KDM4C: variants seen among roughly 807,000 people sequenced by gnomAD.
KDM4C encodes the protein lysine-specific demethylase 4C.
Under a neutral mutation model 129.3 loss-of-function variants are expected in KDM4C, and 81 were observed. The ratio of observed to expected loss-of-function variants is 0.63; its 90% CI spans 0.52 to 0.75. KDM4C has a LOEUF of 0.75. KDM4C is among the 30% of genes least tolerant of loss of function. The pLI is 0.00. For synonymous variants in KDM4C, 573 were observed against 456.1 expected (o/e 1.26, Z -3.26); for missense variants, 1,457 against 1,304.0 (o/e 1.12, Z -1.81).
At chr9:6,847,070 C>T (rs1273313026) in intron 4 of KDM4C, among the ~76,000 whole-genome samples, 1 of 152,106 alleles carries the variant, frequency 6.6e-6, no homozygotes, top group Non-Finnish European at 1.5e-5. Flanking sequence ...AGGGATTCAA[C>T]CCTGGTTATT....
At chr9:6,998,323 A>G (rs1820139767) in intron 12 of KDM4C, among the ~76,000 whole-genome samples, 1 of 152,190 alleles carries the variant, frequency 6.6e-6, no homozygotes, top group Non-Finnish European at 1.5e-5. Flanking sequence ...GGAATTGGAG[A>G]TCTTTCTTGG....
At chr9:7,082,394 G>A (rs1834630399) in intron 17 of KDM4C, among the ~76,000 whole-genome samples, 1 of 152,144 alleles carries the variant, frequency 6.6e-6, no homozygotes. Context: ...CTGTGACCAA[G>A]GTAAGGCACT....
intron 10 of KDM4C, 79 bp from the exon 11 acceptor site, chr9:6,986,265 C>A: frequency 1.1e-6 from 1 of 938,780 alleles, no homozygotes; most frequent in Non-Finnish European, 1.6e-6. Flanking sequence ...GATACAGAAT[C>A]ATTTGGGAAT....
chr9:6,893,882 A>G (rs1240433132), intron 8 of KDM4C, among the ~76,000 whole-genome samples: 1 of 152,252 alleles, frequency 6.6e-6, no homozygotes. Context: ...GTGGTGTTAA[A>G]TAGAAGACAT....
chr9:7,012,542 T>C (rs1822899916), intron 13 of KDM4C, among the ~76,000 whole-genome samples: 1 of 152,198 alleles, frequency 6.6e-6, no homozygotes, highest in Admixed American at 6.5e-5. Context: ...AAATTTTAAG[T>C]GTCTCTTTTC....
chr9:7,130,237 C>G (rs1461714308), intron 19 of KDM4C, among the ~76,000 whole-genome samples: 1 of 152,172 alleles, frequency 6.6e-6, no homozygotes, highest in African/African-American at 2.4e-5. Context: ...AATTTCAAAA[C>G]CTGAGCACAG....
intron 2 of KDM4C, among the ~76,000 whole-genome samples, chr9:6,794,256 G>C (rs1827304422): frequency 1.3e-5 from 2 of 152,200 alleles, no homozygotes; most frequent in South Asian, 4.1e-4. Flanking sequence ...TAGCATCTTA[G>C]AATGATGAAA....
At chr9:7,157,144 GCT>G (rs1303488481) in intron 19 of KDM4C, among the ~76,000 whole-genome samples, 1 of 151,982 alleles carries the variant, frequency 6.6e-6, no homozygotes, top group African/African-American at 2.4e-5. Flanking sequence ...CCATGATTTG[GCT>G]CTCTGTTTGT....
chr9:7,010,897 C>T (rs1195379584), intron 12 of KDM4C, among the ~76,000 whole-genome samples: 4 of 151,912 alleles, frequency 2.6e-5, no homozygotes, highest in East Asian at 3.9e-4. Context: ...AAAAAAAATT[C>T]GCTAGGCATG....
At chr9:6,854,092 A>G (rs938502754) in intron 5 of KDM4C, among the ~76,000 whole-genome samples, 2 of 152,152 alleles carry the variant, frequency 1.3e-5, no homozygotes, top group African/African-American at 4.8e-5. Context: ...ATGTATTTAT[A>G]ATAGAATAGG....
At chr9:6,811,863 A>G (rs921678094) in intron 3 of KDM4C, among the ~76,000 whole-genome samples, 3 of 152,196 alleles carry the variant, frequency 2.0e-5, no homozygotes, top group African/African-American at 7.2e-5. Context: ...GTTCTGGGTA[A>G]GAAGATATGG....
intron 18 of KDM4C, among the ~76,000 whole-genome samples, chr9:7,117,986 G>C (rs994579579): frequency 3.9e-5 from 6 of 152,202 alleles, no homozygotes; most frequent in African/African-American, 1.4e-4. Context: ...GTATGTTCCT[G>C]TTGAGAGGTT....
chr9:6,747,217 C>G (rs1170649071), intron 1 of KDM4C, among the ~76,000 whole-genome samples: 1 of 140,738 alleles, frequency 7.1e-6, no homozygotes, highest in Non-Finnish European at 1.5e-5. Flanking sequence ...AACCAACCAA[C>G]CAACCAACCA....
rs563428920 is a variant in KDM4C, at chr9:6,775,576, G to A, written c.-18+17373G>A. ...TCGTTCTTATTGCCCAGGCTGGAGC[G>A]CAGTGGCACAATCTCGGCTCACTGC... On this transcript the variant is annotated intron_variant, in intron 1 of 21. Coordinates refer to ENST00000381309, the MANE Select transcript of KDM4C (RefSeq NM_015061.6). Among the ~76,000 whole-genome samples the A allele has an allele frequency of 4.0e-5, 6 of 151,860 alleles. No homozygotes were observed. In the South Asian group the frequency reaches 8.3e-4, roughly 21 times the overall value.
chr9:7,103,250 A>C (rs1462339459), intron 17 of KDM4C, among the ~76,000 whole-genome samples: 1 of 152,152 alleles, frequency 6.6e-6, no homozygotes, highest in Non-Finnish European at 1.5e-5. Context: ...GACCACATCT[A>C]ATTTAGGAAA....
At chr9:6,805,377 T>A (rs1829773266) in intron 2 of KDM4C, among the ~76,000 whole-genome samples, 1 of 152,200 alleles carries the variant, frequency 6.6e-6, no homozygotes, top group Non-Finnish European at 1.5e-5. Flanking sequence ...CAAAATGAGT[T>A]TAATACAAGT....
intron 15 of KDM4C, among the ~76,000 whole-genome samples, chr9:7,030,444 C>T (rs1367146288): frequency 1.3e-5 from 2 of 152,096 alleles, no homozygotes; most frequent in East Asian, 3.9e-4. Context: ...AAGAGTGAAT[C>T]CTAAACTAAA....
chr9:6,952,493 T>G (rs973645356), intron 8 of KDM4C, among the ~76,000 whole-genome samples: 3 of 151,602 alleles, frequency 2.0e-5, no homozygotes, highest in Non-Finnish European at 4.4e-5. Flanking sequence ...CAGGCTGGAG[T>G]GCAGTGGCAC....
intron 5 of KDM4C, among the ~76,000 whole-genome samples, chr9:6,855,518 A>G (rs1166331086): frequency 6.7e-6 from 1 of 148,832 alleles, no homozygotes; most frequent in Non-Finnish European, 1.5e-5. Flanking sequence ...GATTTTTCCC[A>G]GTGTTTGTAG....
Sources: allele counts gnomAD v4.1 joint callset (sites outside exome capture counted in the v4.1 genomes callset), GRCh38; gene constraint gnomAD v4.1.1; transcripts MANE v1.5; gene names NCBI Gene and HGNC (gene_info 2026-07-23, HGNC 2026-07-21).